ADCY10: variants seen among roughly 807,000 people sequenced by gnomAD.
The protein encoded by ADCY10 is adenylate cyclase type 10.
In ADCY10, 156 loss-of-function variants were observed where a neutral mutation model predicts 183.3. The ratio of observed to expected loss-of-function variants is 0.85; its 90% CI spans 0.75 to 0.97. ADCY10 has a LOEUF of 0.97. Among genes scored for constraint, ADCY10 ranks in the 50% least tolerant of loss-of-function variants. The pLI, the probability that ADCY10 is intolerant of heterozygous loss-of-function variation, is 0.00. For synonymous variants in ADCY10, 645 were observed against 670.0 expected (o/e 0.96, Z 0.58); for missense variants, 1,745 against 1,934.3 (o/e 0.90, Z 1.84).
At chr1:167,858,390 C>T (rs974474466) in intron 16 of ADCY10, among the ~76,000 whole-genome samples, 11 of 147,530 alleles carry the variant, frequency 7.5e-5, no homozygotes, top group Non-Finnish European at 1.2e-4. Flanking sequence ...CCCAGCTAGT[C>T]GGGAGGCTGA....
rs1188667003 is a variant in ADCY10 at position 167,904,253 on chromosome 1, CGTTTTT to C, written c.149-268_149-263del. Among the ~76,000 whole-genome samples, 6 of 152,016 alleles carry C rather than the reference CGTTTTT, an allele frequency of 3.9e-5. No individual in the cohort carries two copies. The East Asian group carries it at 1.2e-3, about 29-fold the overall frequency. ...TAAGCGTGCGCCACCATGCCAGGCTCGTTTTTGTATTTTTAGTACAGATGGGGTTTC... is the reference window on the plus strand; with the variant it reads ...TAAGCGTGCGCCACCATGCCAGGCTCGTATTTTTAGTACAGATGGGGTTTC... On this transcript the variant is annotated intron_variant, in intron 2 of 32. Transcript: ENST00000367851.
At chr1:167,887,312 G>T (rs1353674237) in intron 8 of ADCY10, among the ~76,000 whole-genome samples, 1 of 152,164 alleles carries the variant, frequency 6.6e-6, no homozygotes, top group African/African-American at 2.4e-5. Flanking sequence ...TCCATCAGTG[G>T]TAGACTGGAT....
At chr1:167,811,126 C>T (rs961206905) in intron 31 of ADCY10, among the ~76,000 whole-genome samples, 2 of 152,024 alleles carry the variant, frequency 1.3e-5, no homozygotes, top group African/African-American at 4.8e-5. Context: ...AGGAATTGAC[C>T]TGAGAGATCC....
chr1:167,891,039 G>C (rs1668550867), intron 8 of ADCY10, among the ~76,000 whole-genome samples: 1 of 152,028 alleles, frequency 6.6e-6, no homozygotes, highest in South Asian at 2.1e-4. Flanking sequence ...TCGGCTCACT[G>C]CAACCTCCGC....
chr1:167,866,794 G>A (rs114359360), intron 14 of ADCY10, among the ~76,000 whole-genome samples: 4,342 of 148,308 alleles, frequency 0.029, 86 homozygotes, highest in Middle Eastern at 0.069. Flanking sequence ...AAAAAAAAAT[G>A]GCAGTTGGAG....
intron 30 of ADCY10, chr1:167,820,143 C>A (rs1235836475): frequency 1.4e-5 from 21 of 1,546,930 alleles, no homozygotes; most frequent in Admixed American, 2.1e-5. Flanking sequence ...TTTTTGGATC[C>A]CTTAATTTCC....
chr1:167,844,882 G>A (rs927441657), intron 21 of ADCY10, among the ~76,000 whole-genome samples: 3 of 152,074 alleles, frequency 2.0e-5, no homozygotes, highest in African/African-American at 7.2e-5. Context: ...CCCATTAGGA[G>A]CTCCCTGGCC....
At position 167,870,425 on chromosome 1, in the gene ADCY10, T is replaced by C; in HGVS notation, c.1463-15A>G. 1 of 1,596,460 alleles carries C rather than the reference T, an allele frequency of 6.3e-7. No individual in the cohort carries two copies. Among genetic ancestry groups the C allele is most frequent in the South Asian group, 1.1e-5 (1 of 90,318 alleles). On this transcript the variant is annotated splice_polypyrimidine_tract_variant and intron_variant, in intron 13 of 32. Transcript: ENST00000367851. ...TTTATTACGTCCTGTTATTTTTAGT[T>C]TTAAAAAAGAGCAAACTCAATCAAC...
chr1:167,887,495 T>C (rs1311870385), intron 8 of ADCY10, among the ~76,000 whole-genome samples: 1 of 151,850 alleles, frequency 6.6e-6, no homozygotes, highest in Non-Finnish European at 1.5e-5. Context: ...AATTGAACAA[T>C]GAGAACACTT....
chr1:167,874,428 A>C (rs1207524717), intron 13 of ADCY10, among the ~76,000 whole-genome samples: 3 of 152,240 alleles, frequency 2.0e-5, no homozygotes, highest in Non-Finnish European at 4.4e-5. Context: ...CCATAATAAG[A>C]TACCACTATA....
intron 31 of ADCY10, among the ~76,000 whole-genome samples, 187 bp from the exon 32 acceptor site, chr1:167,811,100 A>C (rs1662177274): frequency 6.6e-6 from 1 of 152,218 alleles, no homozygotes; most frequent in African/African-American, 2.4e-5. Flanking sequence ...AGTAGCCACC[A>C]TGGTCCACTG....
chr1:167,871,258 G>A (rs1667086868), intron 13 of ADCY10, among the ~76,000 whole-genome samples: 1 of 152,026 alleles, frequency 6.6e-6, no homozygotes, highest in Non-Finnish European at 1.5e-5. Flanking sequence ...TTAATTCAGG[G>A]CTACAAAAAG....
intron 14 of ADCY10, 72 bp downstream of exon 14, chr1:167,870,185 G>A: frequency 6.5e-7 from 1 of 1,548,960 alleles, no homozygotes; most frequent in Non-Finnish European, 8.9e-7. Flanking sequence ...GCAAGTTATA[G>A]GAAGGAGAGG....
intron 9 of ADCY10, among the ~76,000 whole-genome samples, chr1:167,882,018 G>A (rs182706213): frequency 9.9e-5 from 15 of 152,280 alleles, no homozygotes; most frequent in Admixed American, 4.6e-4. Flanking sequence ...CTAGCTTTTC[G>A]TCTTCTATGA....
At chr1:167,836,014 A>G (rs772283105) in intron 23 of ADCY10, among the ~76,000 whole-genome samples, 5 of 152,218 alleles carry the variant, frequency 3.3e-5, no homozygotes, top group African/African-American at 4.8e-5. Flanking sequence ...TCCTCTCTGC[A>G]TCATTTTGGG....
chr1:167,867,856 T>G (rs971092600), intron 14 of ADCY10, among the ~76,000 whole-genome samples: 3 of 152,020 alleles, frequency 2.0e-5, no homozygotes, highest in Admixed American at 6.5e-5. Flanking sequence ...GTGTAATTAC[T>G]GGTCTTGTGT....
chr1:167,870,063 T>C (rs1367621386), intron 14 of ADCY10, among the ~76,000 whole-genome samples, 194 bp downstream of exon 14: 1 of 152,250 alleles, frequency 6.6e-6, no homozygotes, highest in African/African-American at 2.4e-5. Flanking sequence ...AGGATATCCA[T>C]GGGTCAGCCC....
chr1:167,830,782 C>T (rs1663665755), intron 25 of ADCY10, among the ~76,000 whole-genome samples: 1 of 152,224 alleles, frequency 6.6e-6, no homozygotes, highest in Admixed American at 6.5e-5. Context: ...CTGGAAACTG[C>T]TTAGGGCAAA....
At position 167,822,888 on chromosome 1, in the gene ADCY10, C is replaced by T. The variant is rs1003296304; in HGVS notation, c.4168+120G>A. On this transcript the variant is annotated intron_variant, in intron 29 of 32. Transcript: ENST00000367851. ...ACAACCAGCCTCTCTCCATCCCTGC[C>T]CTGTAAGTCCACCAGCCAGAAACCT... is the stretch of plus-strand genomic sequence containing the variant. 4.7e-6 allele frequency: 4 copies of T among 845,952 alleles called. No individual in the cohort carries two copies. The South Asian group carries it at 5.6e-5, about 12-fold the overall frequency. 52.4% of individuals were successfully genotyped at this position (845,952 alleles called of 1,614,324 possible). A position where few individuals can be genotyped will look rare whatever the true frequency, so the allele number is the denominator to read the frequency against.
Sources: gnomAD v4.1 joint callset for allele counts (sites outside exome capture counted in the v4.1 genomes callset) on GRCh38, gnomAD v4.1.1 for gene constraint, MANE v1.5 for transcripts, NCBI Gene and HGNC (gene_info 2026-07-23, HGNC 2026-07-21) for gene names.